Variants in NPHP1 observed in about 807,000 individuals in gnomAD.
NPHP1 encodes nephrocystin 1, also known as nephrocystin-1.
NPHP1 carries 70 observed loss-of-function variants against 90.4 expected under a neutral mutation model. That is an observed-to-expected ratio of 0.77 (90% CI 0.64 to 0.95). The LOEUF (loss-of-function observed/expected upper bound fraction) is 0.95. Among genes scored for constraint, NPHP1 ranks in the 40% least tolerant of loss-of-function variants. NPHP1 has a pLI of 0.00. For missense variants in NPHP1, 764 were observed against 795.9 expected (o/e 0.96, Z 0.48); for synonymous variants, 256 against 271.7 (o/e 0.94, Z 0.57).
Position 110,149,107 on chromosome 2 carries a change from C to T in NPHP1, c.1158+1075G>A, listed in dbSNP as rs572526629. On this transcript the variant is annotated intron_variant, in intron 12 of 19. Transcript: ENST00000445609. ...AGGTAATGTACGTAAGAGCCTGGCA[C>T]AGGGCCTAGCACACAGTTAGGGTTC... Among the ~76,000 whole-genome samples the T allele has an allele frequency of 8.5e-4, 130 of 152,270 alleles. 1 individual carries two copies. Among genetic ancestry groups the T allele is most frequent in the African/African-American group, 3.0e-3 (126 of 41,562 alleles).
At chr2:110,200,828 T>G (rs1685529684) in intron 2 of NPHP1, among the ~76,000 whole-genome samples, 1 of 152,170 alleles carries the variant, frequency 6.6e-6, no homozygotes, top group Admixed American at 6.5e-5. Context: ...AATGCCTGAC[T>G]TAAGTAAAAC....
intron 2 of NPHP1, among the ~76,000 whole-genome samples, chr2:110,197,398 A>C (rs529415243): frequency 6.6e-6 from 1 of 152,250 alleles, no homozygotes; most frequent in African/African-American, 2.4e-5. Context: ...GGCTGACCCT[A>C]CTAGCAACCT....
At chr2:110,178,036 C>G (rs1235362955) in intron 4 of NPHP1, 2 of 253,546 alleles carry the variant, frequency 7.9e-6, no homozygotes, top group African/African-American at 4.6e-5. Context: ...TCACCACACT[C>G]AGTCTTTGCT....
At chr2:110,163,245 A>G (rs1447237809) in intron 8 of NPHP1, 110 bp from the exon 9 acceptor site, 1 of 785,336 alleles carries the variant, frequency 1.3e-6, no homozygotes, top group Non-Finnish European at 2.2e-6. Context: ...ATAAACATAC[A>G]GACTTTAGTG....
intron 13 of NPHP1, among the ~76,000 whole-genome samples, chr2:110,147,421 A>G (rs2104494847): frequency 6.6e-6 from 1 of 152,264 alleles, no homozygotes; most frequent in Non-Finnish European, 1.5e-5. Flanking sequence ...TATATATACT[A>G]TACCTATCAA....
At chr2:110,201,177 T>C (rs192330993) in intron 2 of NPHP1, among the ~76,000 whole-genome samples, 11 of 152,268 alleles carry the variant, frequency 7.2e-5, no homozygotes, top group African/African-American at 2.4e-5. Context: ...CTGGGCTACA[T>C]AGGCTAAGGA....
chr2:110,156,780 GTT>G (rs59532714), intron 11 of NPHP1, among the ~76,000 whole-genome samples: 12 of 139,258 alleles, frequency 8.6e-5, no homozygotes, highest in Admixed American at 2.8e-4. Flanking sequence ...TTTGGTTTCT[GTT>G]TTTTTTTTTT....
chr2:110,138,314 AATAAAAAAAAAAGT>A (rs1680366343), intron 16 of NPHP1, among the ~76,000 whole-genome samples: 1 of 152,076 alleles, frequency 6.6e-6, no homozygotes. Flanking sequence ...TAAAACTTAT[AATAAAAAAAAAAGT>A]TTCATGGAAT....
At position 110,192,849 on chromosome 2, in the gene NPHP1, T is replaced by C. The variant is rs1469270220; in HGVS notation, c.143+8572A>G. Among the ~76,000 whole-genome samples the C allele has an allele frequency of 1.3e-5, 2 of 152,102 alleles. 1 individual carries two copies. The highest frequency in any genetic ancestry group is 2.9e-5 in the Non-Finnish European group (2 of 68,010). On this transcript the variant is annotated intron_variant, in intron 2 of 19. Transcript: ENST00000445609. ...CAAGCCAGAAGAGAATGGCGGCCAA[T>C]ATTCAACTTCTTAAAGAAAAGAATT...
At chr2:110,130,812 T>C (rs996337383) in intron 17 of NPHP1, among the ~76,000 whole-genome samples, 4 of 152,186 alleles carry the variant, frequency 2.6e-5, no homozygotes. Context: ...TGTTAAATAT[T>C]ACTCACTCAA....
chr2:110,142,045 T>A (rs1237713463), intron 16 of NPHP1, among the ~76,000 whole-genome samples: 1 of 151,370 alleles, frequency 6.6e-6, no homozygotes, highest in Non-Finnish European at 1.5e-5. Flanking sequence ...TTAAACTCCA[T>A]ATGTCCCAGT....
chr2:110,125,648 T>C lies in NPHP1; in HGVS notation c.1750A>G (p.Arg584Gly), dbSNP rs781356271. The change falls in exon 19 of 20, where the codon AGA (arginine) becomes GGA (glycine). Residue 584 changes from arginine to glycine, a missense_variant. Arg to Gly is a moderately radical substitution (Grantham distance 125). Coordinates refer to ENST00000445609, the MANE Select transcript of NPHP1 (RefSeq NM_001128178.3). ...SWAGKESTLK[R>G]SEKRDKEFLK... Reference sequence around the variant, plus strand: ...GACTCATATTTTACCTTCTCTGATCTTTTTAATGTGCTTTCTTTTCCAGCC... The same window carrying C: ...GACTCATATTTTACCTTCTCTGATCCTTTTAATGTGCTTTCTTTTCCAGCC... 4.3e-6 allele frequency: 7 copies of C among 1,613,320 alleles called. No individual in the cohort carries two copies. The highest frequency in any genetic ancestry group is 5.9e-6 in the Non-Finnish European group (7 of 1,179,374).
At chr2:110,168,957 T>C (rs1682915040) in intron 5 of NPHP1, among the ~76,000 whole-genome samples, 1 of 152,152 alleles carries the variant, frequency 6.6e-6, no homozygotes, top group African/African-American at 2.4e-5. Context: ...GAATATCAAT[T>C]CCATTAAAGT....
chr2:110,170,696 AC>A, intron 4 of NPHP1, among the ~76,000 whole-genome samples: 1 of 152,260 alleles, frequency 6.6e-6, no homozygotes, highest in African/African-American at 2.4e-5. Flanking sequence ...AGAGGTATAC[AC>A]AGGATACTAA....
chr2:110,188,157 T>G (rs1014334814), intron 2 of NPHP1, among the ~76,000 whole-genome samples: 1 of 152,164 alleles, frequency 6.6e-6, no homozygotes, highest in African/African-American at 2.4e-5. Flanking sequence ...TGTTGGAAGT[T>G]CTGGCCTGGG....
intron 18 of NPHP1, chr2:110,128,026 T>G (rs2104424166): frequency 6.6e-6 from 1 of 152,182 alleles, no homozygotes; most frequent in South Asian, 2.1e-4. Context: ...CCAGACGAAC[T>G]TATCTAAAAT....
At chr2:110,184,582 T>A in intron 2 of NPHP1, 1 of 1,252,816 alleles carries the variant, frequency 8.0e-7, no homozygotes, top group South Asian at 1.2e-5. Context: ...GGCTTTGCCA[T>A]GCCCCACTCC....
intron 11 of NPHP1, among the ~76,000 whole-genome samples, 194 bp from the exon 12 acceptor site, chr2:110,150,450 G>A (rs529597900): frequency 7.1e-4 from 108 of 152,126 alleles, no homozygotes; most frequent in African/African-American, 2.6e-3. Context: ...ATTCAGAGTT[G>A]GACTCCTATG....
At chr2:110,178,074 G>T (rs990155164) in intron 4 of NPHP1, 2 of 325,614 alleles carry the variant, frequency 6.1e-6, no homozygotes, top group Non-Finnish European at 1.1e-5. Context: ...GTTTATGAAA[G>T]GGAGAACAAT....
Sources: allele counts gnomAD v4.1 joint callset (sites outside exome capture counted in the v4.1 genomes callset), GRCh38; gene constraint gnomAD v4.1.1; transcripts MANE v1.5; gene names NCBI Gene and HGNC (gene_info 2026-07-23, HGNC 2026-07-21).